PTPRJ: variants seen among roughly 807,000 people sequenced by gnomAD.
PTPRJ encodes the protein receptor-type tyrosine-protein phosphatase eta.
PTPRJ carries 129 observed loss-of-function variants against 141.3 expected under a neutral mutation model. That is an observed-to-expected ratio of 0.91 (90% CI 0.79 to 1.06). The LOEUF is 1.06. Among genes scored for constraint, PTPRJ ranks in the 50% least tolerant of loss-of-function variants. The pLI, the probability that PTPRJ is intolerant of heterozygous loss-of-function variation, is 0.00. For synonymous variants in PTPRJ, 610 were observed against 640.5 expected (o/e 0.95, Z 0.72); for missense variants, 1,601 against 1,679.7 (o/e 0.95, Z 0.82).
intron 1 of PTPRJ, among the ~76,000 whole-genome samples, chr11:48,104,138 C>A (rs1856229126): frequency 6.6e-6 from 1 of 152,198 alleles, no homozygotes; most frequent in African/African-American, 2.4e-5. Context: ...GGGCACTGTT[C>A]ACTGTGCTGC....
Position 48,092,312 on chromosome 11 carries a change from AAAAAAG to A in PTPRJ, c.97-17734_97-17729del, listed in dbSNP as rs1855890008. Among the ~76,000 whole-genome samples the A allele has an allele frequency of 2.0e-5, 3 of 148,798 alleles. No individual in the cohort carries two copies. In the South Asian group the frequency reaches 6.4e-4, roughly 31 times the overall value. On this transcript the variant is annotated intron_variant, in intron 1 of 24. Coordinates refer to ENST00000418331, the MANE Select transcript of PTPRJ (RefSeq NM_002843.4). ...TTCATCTCAAAAAAAAAAAAAAAAA[AAAAAAG>A]AAAAAGAAAAAAAGAAATGCAGGTA... is the stretch of plus-strand genomic sequence containing the variant.
intron 2 of PTPRJ, among the ~76,000 whole-genome samples, chr11:48,110,599 A>G (rs571857466): frequency 6.6e-6 from 1 of 152,278 alleles, no homozygotes; most frequent in African/African-American, 2.4e-5. Context: ...ATTTTCTGTA[A>G]TTTTTTTCTA....
intron 21 of PTPRJ, among the ~76,000 whole-genome samples, chr11:48,156,455 C>T (rs965247747): frequency 1.3e-5 from 2 of 152,186 alleles, no homozygotes; most frequent in Admixed American, 1.3e-4. Context: ...CCCATGAACA[C>T]GGACAAGCCC....
At chr11:48,135,912 T>C in intron 8 of PTPRJ, 127 bp from the exon 9 acceptor site, 1 of 1,064,670 alleles carries the variant, frequency 9.4e-7, no homozygotes, top group Non-Finnish European at 1.4e-6. Context: ...GATTTTGGAG[T>C]GTGCCTTTTG....
chr11:48,038,532 C>G (rs1854185915), intron 1 of PTPRJ, among the ~76,000 whole-genome samples: 1 of 151,642 alleles, frequency 6.6e-6, no homozygotes. Flanking sequence ...CGCTCTGTCA[C>G]CCAGGCTGGA....
In PTPRJ at chr11:48,123,856, C is replaced by T; in HGVS notation, c.860C>T (p.Thr287Ile). 1 of 1,613,930 alleles carries T rather than the reference C, an allele frequency of 6.2e-7. No individual in the cohort carries two copies. Among genetic ancestry groups the T allele is most frequent in the Non-Finnish European group, 8.5e-7 (1 of 1,179,850 alleles). The change falls in exon 5 of 25, where the codon ACA (threonine) becomes ATA (isoleucine). Residue 287 changes from threonine (T) to isoleucine (I), a missense_variant. Thr to Ile is a moderately conservative substitution (Grantham distance 89). Coordinates refer to ENST00000418331, the MANE Select transcript of PTPRJ (RefSeq NM_002843.4). Reference sequence around the variant, plus strand: ...AAGACAAAGGGAGACCCCTTGGGCACAGAAGGTGGCTTGGGTGAGTTACAA... The same window carrying T: ...AAGACAAAGGGAGACCCCTTGGGCATAGAAGGTGGCTTGGGTGAGTTACAA... The part of the protein sequence containing the change: ...SNKTKGDPLG[T>I]EGGLDASNTE...
At chr11:48,078,471 C>T (rs1040587256) in intron 1 of PTPRJ, among the ~76,000 whole-genome samples, 4 of 152,110 alleles carry the variant, frequency 2.6e-5, no homozygotes, top group Admixed American at 1.3e-4. Context: ...GCTTCAAGTG[C>T]CAGCCAAGGT....
At chr11:47,990,226 A>G (rs1258278355) in intron 1 of PTPRJ, among the ~76,000 whole-genome samples, 1 of 152,150 alleles carries the variant, frequency 6.6e-6, no homozygotes, top group Admixed American at 6.5e-5. Context: ...AATACTCTCC[A>G]AGATATCTAA....
At chr11:48,124,910 A>T in intron 5 of PTPRJ, 58 bp from the exon 6 acceptor site, 7 of 1,562,022 alleles carry the variant, frequency 4.5e-6, no homozygotes, top group Non-Finnish European at 5.3e-6. Context: ...TCCGAAGGAA[A>T]ATGGGGGATG....
At chr11:48,132,409 A>G (rs11604181) in intron 8 of PTPRJ, 76,258 of 980,302 alleles carry the variant, frequency 0.078, 5,506 homozygotes, top group African/African-American at 0.36. Flanking sequence ...TTATTAAATT[A>G]TTTCTAGGCC....
At chr11:47,982,340 A>G (rs557864343) in intron 1 of PTPRJ, among the ~76,000 whole-genome samples, 4 of 152,360 alleles carry the variant, frequency 2.6e-5, no homozygotes, top group African/African-American at 9.6e-5. Context: ...AGTTAACCGC[A>G]TCTGTAGAAT....
intron 1 of PTPRJ, among the ~76,000 whole-genome samples, chr11:48,021,997 G>C (rs1258450390): frequency 6.6e-6 from 1 of 152,152 alleles, no homozygotes; most frequent in Non-Finnish European, 1.5e-5. Flanking sequence ...CTGCTTACCA[G>C]TTGGGTGACC....
Position 48,145,000 on chromosome 11 carries a change from G to A in PTPRJ, c.2787G>A (p.Arg929=), listed in dbSNP as rs977113836. 6.2e-7 allele frequency: 1 copy of A among 1,614,102 alleles called. No individual in the cohort carries two copies. The highest frequency in any genetic ancestry group is 8.5e-7 in the Non-Finnish European group (1 of 1,180,012). ...CTTTTTGCTCTTTGTTATCCCACAGGGCTTGTGTGGCTGGCTTCACCAACA... is the reference window on the plus strand; with the variant it reads ...CTTTTTGCTCTTTGTTATCCCACAGAGCTTGTGTGGCTGGCTTCACCAACA... ...NGKLEPLGSY[R]ACVAGFTNIT... is the part of the protein sequence containing the mutation. Residue 929 remains arginine (R), a splice_region_variant and synonymous_variant, in exon 14 of 25, where the codon CGG becomes CGA. Transcript: ENST00000418331.
intron 1 of PTPRJ, among the ~76,000 whole-genome samples, chr11:47,993,407 C>T (rs1328450239): frequency 3.3e-5 from 5 of 152,164 alleles, no homozygotes; most frequent in Admixed American, 1.3e-4. Flanking sequence ...ATCCTCCTGC[C>T]TCAGCCTCCT....
At chr11:48,091,554 G>A (rs1250291850) in intron 1 of PTPRJ, among the ~76,000 whole-genome samples, 1 of 152,154 alleles carries the variant, frequency 6.6e-6, no homozygotes, top group Non-Finnish European at 1.5e-5. Context: ...TACAATTACT[G>A]TCTGCTTAAA....
intron 3 of PTPRJ, among the ~76,000 whole-genome samples, chr11:48,120,095 C>G (rs191914080): frequency 7.8e-4 from 119 of 152,266 alleles, no homozygotes; most frequent in African/African-American, 2.8e-3. Flanking sequence ...CAAATCTTGT[C>G]CCTTGTTTAT....
At chr11:48,044,264 G>A (rs1039984194) in intron 1 of PTPRJ, among the ~76,000 whole-genome samples, 1 of 152,196 alleles carries the variant, frequency 6.6e-6, no homozygotes, top group African/African-American at 2.4e-5. Flanking sequence ...TCGCCCAGCT[G>A]GACATAGAGT....
rs1326096671 is a variant in PTPRJ, at chr11:48,136,263, T to TG, written c.1846dup (p.Asp616GlyfsTer18). On this transcript the variant is annotated frameshift_variant, in exon 9 of 25. Transcript: ENST00000418331. LOFTEE classifies it high-confidence loss of function. ...CATCTCTCCAGAAGTGGACCACGTCTGGGGGGACCCCAACTCCACTGCACA... is the reference window on the plus strand; with the variant it reads ...CATCTCTCCAGAAGTGGACCACGTCTGGGGGGGACCCCAACTCCACTGCACA... 1.9e-6 allele frequency: 3 copies of TG among 1,614,214 alleles called. No homozygotes were observed. The highest frequency in any genetic ancestry group is 2.5e-6 in the Non-Finnish European group (3 of 1,180,032).
At chr11:48,069,445 ATTTTTTTT>A (rs35405916) in intron 1 of PTPRJ, among the ~76,000 whole-genome samples, 4 of 121,322 alleles carry the variant, frequency 3.3e-5, no homozygotes, top group South Asian at 5.2e-4. Flanking sequence ...TACATTGATA[ATTTTTTTT>A]TTTTTTTTTT....
Sources: allele counts gnomAD v4.1 joint callset (sites outside exome capture counted in the v4.1 genomes callset), GRCh38; gene constraint gnomAD v4.1.1; transcripts MANE v1.5; gene names NCBI Gene and HGNC (gene_info 2026-07-23, HGNC 2026-07-21).